The following MYH16 variants were observed in gnomAD, a reference collection of about 807,000 sequenced individuals.
MYH16 encodes putative uncharacterized protein MYH16.
At chr7:99,284,098 C>T (rs1344741123) in intron 25 of MYH16, 80 bp downstream of exon 7, 4 of 385,990 alleles carry the variant, frequency 1.0e-5, no homozygotes, top group South Asian at 3.9e-5. Flanking sequence ...AGGAGCCAGG[C>T]ACTGTATGGA....
chr7:99,277,929 GAGAGAGAGACAGACAGACAGAC>G (rs1792140196), intron 21 of MYH16, among the ~76,000 whole-genome samples: 2 of 134,306 alleles, frequency 1.5e-5, no homozygotes, highest in African/African-American at 7.7e-5. Context: ...GAGAGAGAGA[GAGAGAGAGACAGACAGACAGAC>G]AGACAGACAG....
chr7:99,293,499 TA>T (rs1369722874), intron 32 of MYH16, among the ~76,000 whole-genome samples: 4 of 152,142 alleles, frequency 2.6e-5, no homozygotes, highest in Non-Finnish European at 5.9e-5. Flanking sequence ...GGGCTAAACC[TA>T]AATCTCAACC....
intron 37 of MYH16, among the ~76,000 whole-genome samples, chr7:99,300,976 C>T (rs896968638): frequency 1.1e-4 from 16 of 152,022 alleles, no homozygotes; most frequent in Admixed American, 1.3e-4. Flanking sequence ...GGGCAAATCA[C>T]TTGAGGTCAG....
chr7:99,307,701 G>A (rs1792701436), downstream of MYH16, among the ~76,000 whole-genome samples: 1 of 152,018 alleles, frequency 6.6e-6, no homozygotes, highest in African/African-American at 2.4e-5. Context: ...ACACAGTGAG[G>A]CCCCATCTCA....
chr7:99,292,316 G>A (rs1200961515), exon 32 of MYH16: 1 of 456,294 alleles, frequency 2.2e-6, no homozygotes. Context: ...CCACAGTCTC[G>A]CAGCACCGCC....
At chr7:99,291,510 C>T (rs1318454510) in intron 31 of MYH16, 60 bp downstream of exon 12, 1 of 434,900 alleles carries the variant, frequency 2.3e-6, no homozygotes, top group Non-Finnish European at 4.6e-6. Context: ...TTATAGGTTA[C>T]AGCTGGGGTT....
intron 34 of MYH16, among the ~76,000 whole-genome samples, chr7:99,297,145 G>GCATTA (rs1792511627): frequency 6.6e-6 from 1 of 152,122 alleles, no homozygotes; most frequent in Non-Finnish European, 1.5e-5. Flanking sequence ...ATAAAATGAG[G>GCATTA]AAATAGCCGG....
rs1231520758 is a variant in MYH16 at position 99,280,910 on chromosome 7, A to T, written n.2922A>T. On this transcript the variant is annotated non_coding_transcript_exon_variant, in exon 23 of 42. Transcript: ENST00000439784. The stretch of plus-strand genomic sequence containing the variant: ...CACAAGGTCCGTACCCTGACGGGGG[A>T]CCTCTCACTCCGTGAAGACTCCATC... 9.6e-6 allele frequency: 4 copies of T among 418,462 alleles called. No individual in the cohort carries two copies. The East Asian group carries it at 3.7e-4, about 39-fold the overall frequency. 25.9% of individuals were successfully genotyped at this position (418,462 alleles called of 1,614,324 possible). A position where few individuals can be genotyped will look rare whatever the true frequency, so the allele number is the denominator to read the frequency against.
At chr7:99,269,578 T>C (rs571758189) in intron 18 of MYH16, among the ~76,000 whole-genome samples, 9 of 152,278 alleles carry the variant, frequency 5.9e-5, no homozygotes, top group African/African-American at 2.2e-4. Flanking sequence ...ACCTGGCTTA[T>C]TTCCTTACCT....
At chr7:99,277,916 T>TGTGTGTGTGA (rs1478749471) in intron 21 of MYH16, among the ~76,000 whole-genome samples, 8 of 132,224 alleles carry the variant, frequency 6.1e-5, no homozygotes, top group African/African-American at 1.8e-4. Context: ...TGTGTGTGTG[T>TGTGTGTGTGA]GAGAGAGAGA....
At chr7:99,259,246 G>A (rs1223832538) in intron 11 of MYH16, among the ~76,000 whole-genome samples, 5 of 152,120 alleles carry the variant, frequency 3.3e-5, no homozygotes, top group South Asian at 4.1e-4. Context: ...TCAGGCATAC[G>A]GGGGTCAGAT....
intron 41 of MYH16, 109 bp downstream of exon 22, chr7:99,306,145 C>G (rs921411134): frequency 5.3e-5 from 8 of 152,348 alleles, no homozygotes; most frequent in African/African-American, 1.9e-4. Flanking sequence ...AGCACTGGCC[C>G]TAAGATGACT....
intron 36 of MYH16, among the ~76,000 whole-genome samples, chr7:99,298,867 C>G (rs1792545264): frequency 6.6e-6 from 1 of 151,886 alleles, no homozygotes; most frequent in East Asian, 1.9e-4. Flanking sequence ...GCTGCACCCA[C>G]TAACTCGTCA....
exon 30 of MYH16, chr7:99,289,367 C>G (rs191278629): frequency 4.5e-5 from 20 of 445,358 alleles, no homozygotes; most frequent in Admixed American, 4.2e-4. Context: ...TAGAGCGAAA[C>G]CAAGCAGAAA....
At chr7:99,267,241 C>T (rs763141838) in intron 18 of MYH16, among the ~76,000 whole-genome samples, 31 of 152,156 alleles carry the variant, frequency 2.0e-4, no homozygotes, top group Admixed American at 6.5e-4. Context: ...TAGAACCCTA[C>T]GTTTTGTTTT....
At chr7:99,295,111 G>A (rs896924447) in intron 33 of MYH16, among the ~76,000 whole-genome samples, 2 of 152,042 alleles carry the variant, frequency 1.3e-5, no homozygotes. Context: ...GGGCGCGGTG[G>A]CTCATGCCTG....
intron 33 of MYH16, among the ~76,000 whole-genome samples, chr7:99,294,430 G>T (rs1271981473): frequency 7.1e-6 from 1 of 140,524 alleles, no homozygotes; most frequent in Non-Finnish European, 1.5e-5. Context: ...ACACTGGGTG[G>T]CCAAGGCAGG....
intron 19 of MYH16, 70 bp from the exon 2 acceptor site, chr7:99,273,271 AC>A: frequency 4.4e-6 from 2 of 453,420 alleles, no homozygotes; most frequent in South Asian, 3.1e-5. Flanking sequence ...CCCAGGCCCC[AC>A]CCCTTCCCCA....
intron 18 of MYH16, among the ~76,000 whole-genome samples, chr7:99,267,180 T>C (rs1181357969): frequency 6.6e-6 from 1 of 152,204 alleles, no homozygotes; most frequent in East Asian, 1.9e-4. Context: ...GCAACACGCA[T>C]AGAACTCAGC....
Sources: gnomAD v4.1 joint callset for allele counts (sites outside exome capture counted in the v4.1 genomes callset) on GRCh38, gnomAD v4.1.1 for gene constraint, MANE v1.5 for transcripts, NCBI Gene and HGNC (gene_info 2026-07-23, HGNC 2026-07-21) for gene names.